The following FAM83D variants were observed in gnomAD, a reference collection of about 807,000 sequenced individuals.
FAM83D encodes scaffolding CK1 anchoring protein D, also known as protein FAM83D.
Under a neutral mutation model 25.4 loss-of-function variants are expected in FAM83D, and 26 were observed. That is an observed-to-expected ratio of 1.02 (90% CI 0.75 to 1.42). FAM83D has a LOEUF of 1.42. FAM83D is among the 40% of genes most tolerant of loss of function. The probability of loss-of-function intolerance (pLI) is 0.00; values close to 1 mark genes in which losing one functional copy is unlikely to be tolerated. For missense variants in FAM83D, 740 were observed against 758.1 expected, an observed-to-expected ratio of 0.98 and a Z score of 0.28; for synonymous variants, 310 against 318.5, an observed-to-expected ratio of 0.97 and a Z score of 0.28.
intron 1 of FAM83D, among the ~76,000 whole-genome samples, chr20:38,931,294 G>T (rs184049296): frequency 6.6e-6 from 1 of 152,342 alleles, no homozygotes; most frequent in East Asian, 1.9e-4. Flanking sequence ...AGGCATTAAG[G>T]CTGGCAGAGA....
chr20:38,938,222 A>C (rs1241827939), intron 1 of FAM83D, among the ~76,000 whole-genome samples: 1 of 152,244 alleles, frequency 6.6e-6, no homozygotes, highest in Non-Finnish European at 1.5e-5. Flanking sequence ...GTGAATCAAA[A>C]TTCAGCTTGG....
chr20:38,951,975 A>G lies in FAM83D; in HGVS notation c.1213A>G (p.Ser405Gly), dbSNP rs192801255. Reference protein sequence around the residue: ...PGEEMPGLSVSEVGTQTSITT... With the variant: ...PGEEMPGLSVGEVGTQTSITT... ...AGAGGAGATGCCAGGGCTGAGTGTGAGTGAGGTGGGAACACAAACCAGCAT... is the reference window on the plus strand; with the variant it reads ...AGAGGAGATGCCAGGGCTGAGTGTGGGTGAGGTGGGAACACAAACCAGCAT... Residue 405 changes from serine to glycine, a missense_variant, in exon 4 of 4, where the codon AGT (serine) becomes GGT (glycine). By Grantham distance (56) the Ser-to-Gly change is moderately conservative. Coordinates refer to ENST00000619850, the MANE Select transcript of FAM83D (RefSeq NM_030919.3). 2.1e-4 allele frequency: 343 copies of G among 1,614,198 alleles called. No individual in the cohort carries two copies. Among genetic ancestry groups the G allele is most frequent in the Admixed American group, 4.3e-4 (26 of 60,016 alleles).
rs1477833630 is a variant in FAM83D, at chr20:38,926,876, C to G, written c.434C>G (p.Pro145Arg). The G allele has an allele frequency of 8.6e-6, 13 of 1,504,332 alleles. No individual in the cohort carries two copies. The highest frequency in any genetic ancestry group is 2.8e-5 in the African/African-American group (2 of 71,340). The allele number at this position is 1,504,332 out of a possible 1,614,324, so 93.2% of individuals were successfully genotyped here. The stretch of plus-strand genomic sequence containing the variant: ...CCCCGCGGCGCTGGCGAAGGTGGCC[C>G]CTACGGCTGCAAGGACGCTCTGCGC... The part of the protein sequence containing the change: ...FQPRGAGEGG[P>R]YGCKDALRQQ... Residue 145 changes from proline (P) to arginine (R), a missense_variant, in exon 1 of 4, where the codon CCC becomes CGC. Physicochemically the swap from Pro to Arg is moderately radical, Grantham distance 103. Coordinates refer to ENST00000619850, the MANE Select transcript of FAM83D (RefSeq NM_030919.3).
In FAM83D at chr20:38,941,990, A is replaced by G; in HGVS notation, c.515A>G (p.Asp172Gly). The G allele has an allele frequency of 6.2e-7, 1 of 1,614,158 alleles. No homozygotes were observed. The highest frequency in any genetic ancestry group is 8.5e-7 in the Non-Finnish European group (1 of 1,180,028). ...VIAVVMDVFTDIDIFRDLQEI... is the reference protein window; with the variant it reads ...VIAVVMDVFTGIDIFRDLQEI... ...GCAGTGGTCATGGACGTGTTCACAG[A>G]CATCGACATCTTCAGAGACCTGCAA... The change falls in exon 2 of 4, where the codon GAC becomes GGC. Residue 172 changes from aspartate to glycine, a missense_variant. Asp to Gly is a moderately conservative substitution (Grantham distance 94). Transcript: ENST00000619850.
intron 3 of FAM83D, among the ~76,000 whole-genome samples, chr20:38,951,046 C>T (rs554964326): frequency 6.6e-6 from 1 of 152,180 alleles, no homozygotes; most frequent in Non-Finnish European, 1.5e-5. Context: ...TGGTCTTGAA[C>T]TCCTGACCTC....
chr20:38,941,363 C>T (rs764278710), intron 1 of FAM83D, among the ~76,000 whole-genome samples: 5 of 152,098 alleles, frequency 3.3e-5, no homozygotes, highest in Admixed American at 6.6e-5. Context: ...GGGCCTGCTT[C>T]GATTGCTTTC....
chr20:38,946,299 A>G (rs1046156986), intron 2 of FAM83D, among the ~76,000 whole-genome samples: 1 of 152,040 alleles, frequency 6.6e-6, no homozygotes, highest in African/African-American at 2.4e-5. Context: ...AGAAGACCAC[A>G]GAAGTAGCAT....
At chr20:38,926,975 A>G (rs958430330) in intron 1 of FAM83D, 50 bp downstream of exon 1, 41 of 1,403,262 alleles carry the variant, frequency 2.9e-5, no homozygotes, top group Admixed American at 3.3e-5. Flanking sequence ...CCCTTCAAGA[A>G]TGGGAAATTG....
intron 2 of FAM83D, among the ~76,000 whole-genome samples, chr20:38,946,643 C>T (rs1245251888): frequency 1.3e-5 from 2 of 152,162 alleles, no homozygotes; most frequent in Non-Finnish European, 1.5e-5. Context: ...ATAATTTTGT[C>T]GTTTACAGTC....
At chr20:38,938,206 T>C (rs2085686640) in intron 1 of FAM83D, among the ~76,000 whole-genome samples, 1 of 152,248 alleles carries the variant, frequency 6.6e-6, no homozygotes, top group Admixed American at 6.5e-5. Context: ...ATTGTTTTGT[T>C]AAGTGGTGAA....
chr20:38,947,511 C>T (rs1387947762), intron 2 of FAM83D, among the ~76,000 whole-genome samples: 1 of 152,202 alleles, frequency 6.6e-6, no homozygotes, highest in Non-Finnish European at 1.5e-5. Flanking sequence ...AGCATGTTTT[C>T]TTTGATGATT....
At chr20:38,936,183 T>C (rs954750299) in intron 1 of FAM83D, among the ~76,000 whole-genome samples, 2 of 151,746 alleles carry the variant, frequency 1.3e-5, no homozygotes, top group African/African-American at 4.8e-5. Flanking sequence ...TGAGAAGGGG[T>C]GATCGGTACG....
chr20:38,946,208 A>C (rs1298206143), intron 2 of FAM83D, among the ~76,000 whole-genome samples: 2 of 151,936 alleles, frequency 1.3e-5, no homozygotes, highest in Admixed American at 1.3e-4. Context: ...AAAAAAAAAA[A>C]AAAAAAAAAA....
At chr20:38,945,727 C>T (rs1330222574) in intron 2 of FAM83D, among the ~76,000 whole-genome samples, 1 of 139,336 alleles carries the variant, frequency 7.2e-6, no homozygotes, top group Non-Finnish European at 1.5e-5. Context: ...AGGGTCTTGA[C>T]CTGCCCCCAC....
intron 3 of FAM83D, among the ~76,000 whole-genome samples, chr20:38,948,943 T>C (rs966828356): frequency 2.0e-5 from 3 of 152,242 alleles, no homozygotes; most frequent in Non-Finnish European, 4.4e-5. Flanking sequence ...TCTTGGAATT[T>C]CCTTTTGTAA....
At chr20:38,946,048 A>C (rs1380807572) in intron 2 of FAM83D, among the ~76,000 whole-genome samples, 1 of 151,986 alleles carries the variant, frequency 6.6e-6, no homozygotes, top group Admixed American at 6.6e-5. Context: ...TCTCTACTAA[A>C]AATACAAAAC....
At chr20:38,945,816 T>C (rs61314691) in intron 2 of FAM83D, among the ~76,000 whole-genome samples, 5,076 of 139,130 alleles carry the variant, frequency 0.036, 273 homozygotes, top group African/African-American at 0.12. Context: ...GGTCTTGAAC[T>C]CCTGGACTCA....
Position 38,943,456 on chromosome 20 carries a change from G to C in FAM83D, c.651+1330G>C, listed in dbSNP as rs190124528. Among the ~76,000 whole-genome samples the C allele has an allele frequency of 3.1e-3, 465 of 152,294 alleles. 4 individuals are homozygous for C. The highest frequency in any genetic ancestry group is 0.011 in the African/African-American group (444 of 41,566). ...AGTGTCCACCACTTCAAAGTAGTGG[G>C]CCTAGGGTCTGCCTCCTTGTATGTC... On this transcript the variant is annotated intron_variant, in intron 2 of 3. Transcript: ENST00000619850.
In FAM83D at chr20:38,951,747, C is replaced by T. The variant is rs1258947449; in HGVS notation, c.985C>T (p.Leu329=). 4 of 1,614,188 alleles carry T rather than the reference C, an allele frequency of 2.5e-6. No individual in the cohort carries two copies. The Admixed American group carries it at 5.0e-5, about 20-fold the overall frequency. ...GTCCAAGGAGCTCACCCTGGGCAAC[C>T]TGCTGCGGATGCGGCTGGCTAGGCT... ...PQSKELTLGN[L]LRMRLARLSS... is the part of the protein sequence containing the mutation. The change falls in exon 4 of 4, where the codon CTG becomes TTG. Residue 329 remains leucine, a synonymous_variant. Coordinates refer to ENST00000619850, the MANE Select transcript of FAM83D (RefSeq NM_030919.3).
Sources: gnomAD v4.1 joint callset for allele counts (sites outside exome capture counted in the v4.1 genomes callset) on GRCh38, gnomAD v4.1.1 for gene constraint, MANE v1.5 for transcripts, NCBI Gene and HGNC (gene_info 2026-07-23, HGNC 2026-07-21) for gene names.